SLC26A8: variants seen among roughly 807,000 people sequenced by gnomAD.
SLC26A8 encodes testis anion transporter 1.
A neutral mutation model predicts 105.0 loss-of-function variants in SLC26A8; 70 were observed. The observed-to-expected ratio is 0.67, with a 90% CI of 0.55 to 0.81. The LOEUF (loss-of-function observed/expected upper bound fraction) is 0.81. SLC26A8 is among the 40% of genes least tolerant of loss of function. The pLI is 0.00. For synonymous variants in SLC26A8, 415 were observed against 438.3 expected, an observed-to-expected ratio of 0.95 and a Z score of 0.66; for missense variants, 998 against 1,181.8, an observed-to-expected ratio of 0.84 and a Z score of 2.28.
chr6:35,951,334 CCTGA>C lies in SLC26A8; in HGVS notation c.2297_2300del (p.Val766GlyfsTer35). ...CAAAGAAATCATTCCTCTCAAATGC[CCTGA>C]CTATGGAAGCTAAAAACCAAACCCA... On this transcript the variant is annotated frameshift_variant, in exon 19 of 20. Coordinates refer to ENST00000490799, the MANE Select transcript of SLC26A8 (RefSeq NM_052961.4). LOFTEE classifies it high-confidence loss of function. The C allele has an allele frequency of 6.2e-7, 1 of 1,614,100 alleles. No homozygotes were observed. The highest frequency in any genetic ancestry group is 8.5e-7 in the Non-Finnish European group (1 of 1,180,032).
At chr6:35,963,077 CT>C (rs1203333862) in intron 11 of SLC26A8, among the ~76,000 whole-genome samples, 1 of 152,142 alleles carries the variant, frequency 6.6e-6, no homozygotes, top group Non-Finnish European at 1.5e-5. Flanking sequence ...ACAATAGCCC[CT>C]TTTAGATTCA....
intron 10 of SLC26A8, among the ~76,000 whole-genome samples, chr6:35,972,384 C>T (rs1772830245): frequency 2.7e-5 from 4 of 148,042 alleles, no homozygotes; most frequent in African/African-American, 1.0e-4. Context: ...ATAGTGAGAC[C>T]CTGTCTCTGA....
In SLC26A8 at chr6:35,991,727, G is replaced by A. The variant is rs145871916; in HGVS notation, c.874C>T (p.Arg292Ter). ...LVFLTVVVALRINKCIRISFN... is the reference protein window; with the variant it reads ...LVFLTVVVAL ...GAAATTCTGATACATTTGTTGATTC[G>A]CAGAGCAACAACAACAGTTAGAAAT... The change falls in exon 7 of 20, where the codon CGA becomes TGA. Residue 292 changes from arginine (R) to a stop codon, truncating the protein, a stop_gained. Transcript: ENST00000490799. LOFTEE classifies it high-confidence loss of function. 2.9e-4 allele frequency: 459 copies of A among 1,606,568 alleles called. No homozygotes were observed. Among genetic ancestry groups the A allele is most frequent in the Non-Finnish European group, 3.6e-4 (421 of 1,177,068 alleles).
At chr6:35,987,121 T>C (rs888266754) in intron 7 of SLC26A8, among the ~76,000 whole-genome samples, 2 of 152,202 alleles carry the variant, frequency 1.3e-5, no homozygotes, top group Non-Finnish European at 2.9e-5. Flanking sequence ...CTACAAGAAC[T>C]AGGTAACAGT....
intron 9 of SLC26A8, 111 bp downstream of exon 9, chr6:35,977,093 A>G: frequency 8.1e-7 from 1 of 1,230,792 alleles, no homozygotes; most frequent in Non-Finnish European, 1.1e-6. Context: ...TACTGTCCAA[A>G]CCATGGTCCA....
At chr6:36,020,672 G>A (rs1249476440) in intron 1 of SLC26A8, among the ~76,000 whole-genome samples, 1 of 152,106 alleles carries the variant, frequency 6.6e-6, no homozygotes, top group East Asian at 1.9e-4. Context: ...TGAAAAGATA[G>A]AGTAAATGAG....
At chr6:35,975,305 A>G (rs1392273539) in intron 10 of SLC26A8, 70 bp downstream of exon 10, 20 of 804,160 alleles carry the variant, frequency 2.5e-5, no homozygotes, top group Non-Finnish European at 3.9e-5. Context: ...TTAATTCCCT[A>G]CTCTGAATAT....
chr6:35,996,683 A>G (rs1761360807), intron 5 of SLC26A8, among the ~76,000 whole-genome samples: 1 of 152,066 alleles, frequency 6.6e-6, no homozygotes, highest in Admixed American at 6.6e-5. Flanking sequence ...AGTAACTGGG[A>G]CTACAGGCAC....
chr6:35,966,197 T>G (rs750874394), intron 11 of SLC26A8, among the ~76,000 whole-genome samples: 8 of 152,096 alleles, frequency 5.3e-5, no homozygotes, highest in Non-Finnish European at 7.4e-5. Context: ...ACACAACAGG[T>G]CAGTAGAGGA....
At chr6:35,980,773 G>A (rs181225943) in intron 8 of SLC26A8, among the ~76,000 whole-genome samples, 57 of 152,290 alleles carry the variant, frequency 3.7e-4, no homozygotes, top group African/African-American at 1.3e-3. Flanking sequence ...AGCACTTTGG[G>A]AGGTGGAGGT....
At chr6:36,020,936 C>T (rs1361001101) in intron 1 of SLC26A8, among the ~76,000 whole-genome samples, 1 of 152,180 alleles carries the variant, frequency 6.6e-6, no homozygotes, top group Non-Finnish European at 1.5e-5. Flanking sequence ...GAATCATCAT[C>T]ATCATCATTG....
At position 35,978,623 on chromosome 6, in the gene SLC26A8, T is replaced by C. The variant is rs557360324; in HGVS notation, c.1026-1272A>G. On this transcript the variant is annotated intron_variant, in intron 8 of 19. Coordinates refer to ENST00000490799, the MANE Select transcript of SLC26A8 (RefSeq NM_052961.4). Reference sequence around the variant, plus strand: ...AATCCAAATTCAATAAAATGAATCATGTAAATACCCTTGGGAAAATTATCT... The same window carrying C: ...AATCCAAATTCAATAAAATGAATCACGTAAATACCCTTGGGAAAATTATCT... Among the ~76,000 whole-genome samples, 19 of 152,332 alleles carry C rather than the reference T, an allele frequency of 1.2e-4. No homozygotes were observed. In the East Asian group the frequency reaches 3.1e-3, roughly 25 times the overall value.
chr6:35,952,906 C>A (rs905418340), intron 17 of SLC26A8, among the ~76,000 whole-genome samples: 16 of 149,608 alleles, frequency 1.1e-4, no homozygotes, highest in Admixed American at 4.1e-4. Context: ...CCCAGCTACT[C>A]AGGAGACTGA....
intron 10 of SLC26A8, among the ~76,000 whole-genome samples, chr6:35,973,805 A>G (rs1309642362): frequency 6.6e-6 from 1 of 152,158 alleles, no homozygotes; most frequent in South Asian, 2.1e-4. Flanking sequence ...CTGCTGACAC[A>G]TTCGTTTCTG....
At chr6:35,966,683 C>T (rs991840093) in intron 11 of SLC26A8, among the ~76,000 whole-genome samples, 1 of 152,172 alleles carries the variant, frequency 6.6e-6, no homozygotes, top group African/African-American at 2.4e-5. Context: ...GGTTTTGCAA[C>T]TGTTCACAGT....
intron 19 of SLC26A8, among the ~76,000 whole-genome samples, chr6:35,948,589 A>AAAAAAC (rs890898880): frequency 2.0e-5 from 3 of 151,370 alleles, no homozygotes; most frequent in African/African-American, 7.3e-5. Flanking sequence ...ACTCTGTCTC[A>AAAAAAC]AAAAACAAAA....
chr6:35,995,636 G>A (rs1187057191), intron 5 of SLC26A8, among the ~76,000 whole-genome samples: 3 of 151,386 alleles, frequency 2.0e-5, no homozygotes, highest in Non-Finnish European at 4.4e-5. Flanking sequence ...GACCATAGTA[G>A]TGTGCTACAG....
intron 11 of SLC26A8, among the ~76,000 whole-genome samples, chr6:35,966,940 T>G (rs1250249284): frequency 6.6e-6 from 1 of 152,232 alleles, no homozygotes; most frequent in African/African-American, 2.4e-5. Context: ...CTGATAATTT[T>G]TGTTTGTTTG....
intron 11 of SLC26A8, among the ~76,000 whole-genome samples, chr6:35,965,329 T>G (rs1403622984): frequency 6.6e-6 from 1 of 152,186 alleles, no homozygotes; most frequent in Non-Finnish European, 1.5e-5. Context: ...CGCACAAGCA[T>G]ATAAAAATCG....
Sources: allele counts gnomAD v4.1 joint callset (sites outside exome capture counted in the v4.1 genomes callset), GRCh38; gene constraint gnomAD v4.1.1; transcripts MANE v1.5; gene names NCBI Gene and HGNC (gene_info 2026-07-23, HGNC 2026-07-21).